The following EVI5 variants were observed in gnomAD, a reference collection of about 807,000 sequenced individuals.
EVI5 encodes ecotropic viral integration site 5, also known as ecotropic viral integration site 5 protein homolog.
In EVI5, 73 loss-of-function variants were observed where a neutral mutation model predicts 112.0. That is an observed-to-expected ratio of 0.65 (90% CI 0.54 to 0.79). The LOEUF (loss-of-function observed/expected upper bound fraction) is 0.79. Among genes scored for constraint, EVI5 ranks in the 30% least tolerant of loss-of-function variants. EVI5 has a pLI of 0.00. For synonymous variants in EVI5, 305 were observed against 319.9 expected, an observed-to-expected ratio of 0.95 and a Z score of 0.50; for missense variants, 900 against 968.8, an observed-to-expected ratio of 0.93 and a Z score of 0.94.
At chr1:92,555,115 T>A (rs1667486835) in intron 19 of EVI5, among the ~76,000 whole-genome samples, 1 of 152,238 alleles carries the variant, frequency 6.6e-6, no homozygotes, top group Admixed American at 6.5e-5. Context: ...TTTCATTATC[T>A]ACATGGGACC....
rs558261166 is a variant in EVI5, at chr1:92,646,220, T to C, written c.1393-9884A>G. Among the ~76,000 whole-genome samples, 6 of 152,330 alleles carry C rather than the reference T, an allele frequency of 3.9e-5. No homozygotes were observed. The East Asian group carries it at 1.2e-3, about 29-fold the overall frequency. The stretch of plus-strand genomic sequence containing the variant: ...TTAACACTATTTAACTTCAAAAACA[T>C]TTCAGCATTCTAAACATACAAAAAA... On this transcript the variant is annotated intron_variant, in intron 13 of 19. Coordinates refer to ENST00000684568, the MANE Select transcript of EVI5 (RefSeq NM_001350197.2).
intron 19 of EVI5, among the ~76,000 whole-genome samples, chr1:92,528,004 A>G (rs768330713): frequency 1.6e-4 from 25 of 152,236 alleles, no homozygotes; most frequent in Middle Eastern, 3.2e-3. Context: ...AAGAAGATTT[A>G]GTAAATACTG....
chr1:92,639,869 T>C (rs1659599498), intron 13 of EVI5, among the ~76,000 whole-genome samples: 1 of 152,246 alleles, frequency 6.6e-6, no homozygotes, highest in South Asian at 2.1e-4. Flanking sequence ...CTTCAAACTA[T>C]ACTACAAGGC....
At chr1:92,532,855 C>G (rs1194681063) in intron 19 of EVI5, among the ~76,000 whole-genome samples, 1 of 151,956 alleles carries the variant, frequency 6.6e-6, no homozygotes, top group Non-Finnish European at 1.5e-5. Context: ...AATTGACACC[C>G]TAAAATCACA....
intron 19 of EVI5, among the ~76,000 whole-genome samples, chr1:92,553,432 A>C (rs1667259743): frequency 6.7e-6 from 1 of 150,356 alleles, no homozygotes; most frequent in African/African-American, 2.5e-5. Context: ...CCTCTCCAGT[A>C]GCTGGGATTA....
At chr1:92,758,681 G>C (rs1173225150) in intron 1 of EVI5, among the ~76,000 whole-genome samples, 3 of 151,602 alleles carry the variant, frequency 2.0e-5, no homozygotes, top group Admixed American at 6.6e-5. Context: ...ATTCAAATTA[G>C]ATCAAAGATA....
intron 1 of EVI5, among the ~76,000 whole-genome samples, chr1:92,745,640 C>A (rs547248171): frequency 2.0e-5 from 3 of 152,044 alleles, no homozygotes; most frequent in African/African-American, 7.2e-5. Context: ...ATAATGAGAC[C>A]TCATCTCTAC....
chr1:92,573,424 G>A (rs935030007), intron 18 of EVI5, among the ~76,000 whole-genome samples: 3 of 151,802 alleles, frequency 2.0e-5, no homozygotes, highest in Non-Finnish European at 1.5e-5. Context: ...TATTTCCTGA[G>A]GATCTCAAAT....
intron 13 of EVI5, among the ~76,000 whole-genome samples, chr1:92,655,510 C>G (rs1250771833): frequency 6.6e-6 from 1 of 152,056 alleles, no homozygotes; most frequent in Non-Finnish European, 1.5e-5. Context: ...AAGGTCAATA[C>G]TCAACATCAT....
intron 18 of EVI5, among the ~76,000 whole-genome samples, chr1:92,585,527 G>A (rs1468720021): frequency 6.6e-6 from 1 of 151,896 alleles, no homozygotes; most frequent in Non-Finnish European, 1.5e-5. Context: ...AGGTCTAAAA[G>A]GTAGAAAATA....
chr1:92,707,290 T>C (rs1672173822), intron 2 of EVI5, among the ~76,000 whole-genome samples: 1 of 151,656 alleles, frequency 6.6e-6, no homozygotes, highest in Admixed American at 6.6e-5. Context: ...AAAAATTGAT[T>C]TAAAAACTGG....
intron 1 of EVI5, chr1:92,749,153 T>C (rs1446568961): frequency 4.5e-6 from 1 of 222,552 alleles, no homozygotes; most frequent in South Asian, 6.0e-5. Flanking sequence ...GACAAATAAA[T>C]TGTATTATAG....
intron 2 of EVI5, among the ~76,000 whole-genome samples, chr1:92,720,095 A>G (rs1313787504): frequency 6.6e-6 from 1 of 152,088 alleles, no homozygotes; most frequent in Admixed American, 6.5e-5. Context: ...AAATGGCCAT[A>G]CTGCCCAAAG....
chr1:92,519,043 T>C (rs531069373), intron 19 of EVI5, among the ~76,000 whole-genome samples: 27 of 152,348 alleles, frequency 1.8e-4, no homozygotes, highest in African/African-American at 6.5e-4. Context: ...AGGCCTTTTT[T>C]TGTTTTGTTT....
chr1:92,765,165 C>T (rs1315335920), intron 1 of EVI5, among the ~76,000 whole-genome samples: 3 of 150,012 alleles, frequency 2.0e-5, no homozygotes, highest in Non-Finnish European at 4.4e-5. Context: ...CCAGACATTC[C>T]TTATATATAT....
At chr1:92,516,278 A>G (rs1019064874) in intron 19 of EVI5, among the ~76,000 whole-genome samples, 2 of 152,134 alleles carry the variant, frequency 1.3e-5, no homozygotes, top group African/African-American at 4.8e-5. Context: ...AAGAACCACA[A>G]CTTCCCAACT....
At chr1:92,787,739 CAAA>C (rs113716389), upstream of EVI5, among the ~76,000 whole-genome samples, 7 of 116,918 alleles carry the variant, frequency 6.0e-5, no homozygotes, top group Admixed American at 9.0e-5. Context: ...GATCTTGTCT[CAAA>C]AAAAAAAAAA....
intron 19 of EVI5, among the ~76,000 whole-genome samples, chr1:92,530,003 T>C (rs918152801): frequency 5.9e-5 from 9 of 152,302 alleles, no homozygotes; most frequent in Middle Eastern, 6.8e-3. Context: ...TAGAGCTAAA[T>C]ATTTAAAATA....
At chr1:92,638,839 TA>T (rs1297720358) in intron 13 of EVI5, among the ~76,000 whole-genome samples, 3 of 152,102 alleles carry the variant, frequency 2.0e-5, no homozygotes, top group African/African-American at 7.2e-5. Flanking sequence ...AAGAGTTTAA[TA>T]TATTGTTTTA....
Sources: gnomAD v4.1 joint callset for allele counts (sites outside exome capture counted in the v4.1 genomes callset) on GRCh38, gnomAD v4.1.1 for gene constraint, MANE v1.5 for transcripts, NCBI Gene and HGNC (gene_info 2026-07-23, HGNC 2026-07-21) for gene names.